The following NAV2 variants were observed in gnomAD, a reference collection of about 807,000 sequenced individuals.
The protein encoded by NAV2 is neuron navigator 2.
A neutral mutation model predicts 223.2 loss-of-function variants in NAV2; 54 were observed. The ratio of observed to expected loss-of-function variants is 0.24; its 90% confidence interval spans 0.19 to 0.30. The LOEUF is 0.30. Ranked by LOEUF, NAV2 falls within the 10% of genes least tolerant of loss-of-function variation. The pLI, the probability that NAV2 is intolerant of heterozygous loss-of-function variation, is 1.00. For synonymous variants in NAV2, 1,279 were observed against 1,239.3 expected, an observed-to-expected ratio of 1.03 and a Z score of -0.67; for missense variants, 2,806 against 3,147.5, an observed-to-expected ratio of 0.89 and a Z score of 2.60.
intron 1 of NAV2, among the ~76,000 whole-genome samples, chr11:19,540,078 T>A (rs532258496): frequency 1.4e-4 from 21 of 152,296 alleles, no homozygotes; most frequent in Non-Finnish European, 2.6e-4. Flanking sequence ...CGATTGAATA[T>A]TCCTAGCCAC....
chr11:19,510,709 G>A (rs2043252459), intron 1 of NAV2, among the ~76,000 whole-genome samples: 1 of 152,086 alleles, frequency 6.6e-6, no homozygotes, highest in Non-Finnish European at 1.5e-5. Flanking sequence ...TCGGGCAACA[G>A]GTTACCCAGC....
chr11:19,806,945 G>A (rs2058599526), intron 1 of NAV2, among the ~76,000 whole-genome samples: 1 of 152,114 alleles, frequency 6.6e-6, no homozygotes, highest in Non-Finnish European at 1.5e-5. Context: ...CCCTTGAAGG[G>A]AAAAGAAAAA....
At chr11:20,104,242 T>C (rs900940730) in intron 34 of NAV2, 1 of 164,366 alleles carries the variant, frequency 6.1e-6, no homozygotes, top group South Asian at 1.7e-4. Context: ...TGGTGCTCTC[T>C]CATGGCCAGG....
At chr11:19,774,963 T>C (rs1374340418) in intron 1 of NAV2, among the ~76,000 whole-genome samples, 1 of 152,130 alleles carries the variant, frequency 6.6e-6, no homozygotes, top group Non-Finnish European at 1.5e-5. Context: ...TCCTAGAAAG[T>C]ATAATGAACC....
intron 1 of NAV2, among the ~76,000 whole-genome samples, chr11:19,382,285 G>A (rs1180938244): frequency 6.6e-6 from 1 of 152,194 alleles, no homozygotes; most frequent in Non-Finnish European, 1.5e-5. Flanking sequence ...TTTGGCTATA[G>A]AATTCTTTTT....
At chr11:19,528,049 T>C (rs937142694) in intron 1 of NAV2, among the ~76,000 whole-genome samples, 5 of 151,892 alleles carry the variant, frequency 3.3e-5, no homozygotes, top group African/African-American at 1.2e-4. Context: ...TCCCAGAGCT[T>C]TGTGAAATCA....
rs1207600227 is a variant in NAV2, at chr11:19,934,189, G to A, written c.1945G>A (p.Gly649Arg). 8 of 1,614,020 alleles carry A rather than the reference G, an allele frequency of 5.0e-6. No individual in the cohort carries two copies. The highest frequency in any genetic ancestry group is 5.9e-6 in the Non-Finnish European group (7 of 1,179,988). The change falls in exon 7 of 38, where the codon GGA becomes AGA. Residue 649 changes from glycine to arginine, a missense_variant. Gly to Arg is a moderately radical substitution (Grantham distance 125). This residue lies in a region of NAV2 where 1,167 missense variants were observed against 1,180.5 expected (regional missense o/e 0.99). Transcript: ENST00000349880. The stretch of plus-strand genomic sequence containing the variant: ...GTCTGTCGGGACCACCCAGACCACA[G>A]GAAGCAATACCGTCAGTGTTCAGCT... ...SGSVGTTQTTGSNTVSVQLPQ... is the reference protein window; with the variant it reads ...SGSVGTTQTTRSNTVSVQLPQ...
At chr11:19,881,432 T>C (rs2063199643) in intron 5 of NAV2, among the ~76,000 whole-genome samples, 2 of 152,118 alleles carry the variant, frequency 1.3e-5, no homozygotes, top group African/African-American at 4.8e-5. Flanking sequence ...ATTTAAATGA[T>C]CAGGGTGTCA....
In NAV2 at chr11:19,691,583, T is replaced by C. The variant is rs183620531; in HGVS notation, c.76-140901T>C. On this transcript the variant is annotated intron_variant, in intron 1 of 37. Coordinates refer to the NAV2 transcript ENST00000360655. ...TTTATTTTTATTTATTTATTTATTTTTGGAGACGGAGTCTCGCTCTGTGGC... is the reference window on the plus strand; with the variant it reads ...TTTATTTTTATTTATTTATTTATTTCTGGAGACGGAGTCTCGCTCTGTGGC... Among the ~76,000 whole-genome samples, 51 of 152,030 alleles carry C rather than the reference T, an allele frequency of 3.4e-4. No homozygotes were observed. In the East Asian group the frequency reaches 8.3e-3, roughly 25 times the overall value.
chr11:19,426,866 T>C lies in NAV2; in HGVS notation c.75+75839T>C, dbSNP rs559809304. ...TGCAGTGTGAAGAATCTTCATACTT[T>C]CTCCTCTCATCAGAGGGAGCAATGG... On this transcript the variant is annotated intron_variant, in intron 1 of 37. Coordinates refer to the NAV2 transcript ENST00000360655. Among the ~76,000 whole-genome samples, 9 of 152,290 alleles carry C rather than the reference T, an allele frequency of 5.9e-5. No individual in the cohort carries two copies. In the South Asian group the frequency reaches 1.9e-3, roughly 32 times the overall value.
chr11:19,441,426 T>C (rs1001852795), intron 1 of NAV2, among the ~76,000 whole-genome samples: 26 of 145,202 alleles, frequency 1.8e-4, no homozygotes, highest in Non-Finnish European at 1.2e-4. Context: ...GAAAGGACAC[T>C]GGGACACACA....
chr11:19,719,291 G>A (rs2050567177), intron 1 of NAV2, among the ~76,000 whole-genome samples: 1 of 152,214 alleles, frequency 6.6e-6, no homozygotes, highest in Admixed American at 6.5e-5. Context: ...TGAGGCACAA[G>A]AAGCTGGATA....
intron 1 of NAV2, among the ~76,000 whole-genome samples, chr11:19,717,912 C>T (rs1028578679): frequency 6.6e-6 from 1 of 152,164 alleles, no homozygotes; most frequent in African/African-American, 2.4e-5. Context: ...CCTAAGCCTG[C>T]TCTTCATCTC....
intron 1 of NAV2, among the ~76,000 whole-genome samples, chr11:19,622,102 G>A (rs141065095): frequency 0.014 from 2,056 of 152,220 alleles, 49 homozygotes; most frequent in African/African-American, 0.047. Flanking sequence ...CTAGTTTGAT[G>A]GCACTGTGGT....
At chr11:20,043,304 G>T (rs2057116282) in intron 12 of NAV2, among the ~76,000 whole-genome samples, 2 of 152,196 alleles carry the variant, frequency 1.3e-5, no homozygotes, top group African/African-American at 4.8e-5. Flanking sequence ...AGAGTTGGAG[G>T]AGGCTTGTTC....
chr11:19,567,984 TC>T (rs1401669619), intron 1 of NAV2, among the ~76,000 whole-genome samples: 2 of 152,120 alleles, frequency 1.3e-5, no homozygotes, highest in African/African-American at 2.4e-5. Flanking sequence ...ATATTCTGTC[TC>T]CCCCTGGCTG....
intron 1 of NAV2, among the ~76,000 whole-genome samples, chr11:19,595,298 A>G (rs1194289226): frequency 6.6e-6 from 1 of 152,184 alleles, no homozygotes; most frequent in Non-Finnish European, 1.5e-5. Flanking sequence ...AAGACTCAGG[A>G]AGGCATTGGC....
chr11:19,852,550 T>A (rs1385797592), intron 3 of NAV2, among the ~76,000 whole-genome samples: 1 of 152,224 alleles, frequency 6.6e-6, no homozygotes, highest in Non-Finnish European at 1.5e-5. Flanking sequence ...GAATATTGCA[T>A]CTTCTGGACC....
At chr11:19,490,887 G>A (rs1590321416) in intron 1 of NAV2, among the ~76,000 whole-genome samples, 1 of 152,312 alleles carries the variant, frequency 6.6e-6, no homozygotes, top group South Asian at 2.1e-4. Flanking sequence ...CTTCAAAGTT[G>A]TAATTATTCC....
Sources: gnomAD v4.1 joint callset for allele counts (sites outside exome capture counted in the v4.1 genomes callset) on GRCh38, gnomAD v4.1.1 for gene constraint, gnomAD v4.1.1 regional missense constraint, MANE v1.5 for transcripts, NCBI Gene and HGNC (gene_info 2026-07-23, HGNC 2026-07-21) for gene names.